CAMKMT: variants seen among roughly 807,000 people sequenced by gnomAD.
CAMKMT encodes the protein CaM KMT.
Under a neutral mutation model 48.0 loss-of-function variants are expected in CAMKMT, and 53 were observed. The observed-to-expected ratio is 1.10, with a 90% CI of 0.89 to 1.39. The LOEUF (loss-of-function observed/expected upper bound fraction) is 1.39. CAMKMT is among the 40% of genes most tolerant of loss of function. The pLI, the probability that CAMKMT is intolerant of heterozygous loss-of-function variation, is 0.00. For missense variants in CAMKMT, 428 were observed against 402.7 expected, an observed-to-expected ratio of 1.06 and a Z score of -0.54; for synonymous variants, 165 against 152.3, an observed-to-expected ratio of 1.08 and a Z score of -0.61.
intron 9 of CAMKMT, among the ~76,000 whole-genome samples, chr2:44,759,389 G>A (rs546394189): frequency 6.6e-6 from 1 of 152,262 alleles, no homozygotes; most frequent in South Asian, 2.1e-4. Context: ...CAAAGTGCTG[G>A]GATGACAGGC....
At chr2:44,648,438 T>C (rs1673873099) in intron 3 of CAMKMT, among the ~76,000 whole-genome samples, 1 of 152,194 alleles carries the variant, frequency 6.6e-6, no homozygotes, top group African/African-American at 2.4e-5. Flanking sequence ...CCATTTAAGA[T>C]ATTTTGCCTG....
Position 44,400,917 on chromosome 2 carries a change from T to A in CAMKMT, c.376+10612T>A, listed in dbSNP as rs982580804. On this transcript the variant is annotated intron_variant, in intron 3 of 10. Coordinates refer to ENST00000378494, the MANE Select transcript of CAMKMT (RefSeq NM_024766.5). ...ACATGTATGTGTGTATGTGCATGTA[T>A]ACTTATGTGTGTGTATATATATATA... 37 of 132,858 alleles carry A rather than the reference T, an allele frequency of 2.8e-4. 1 individual carries two copies. Among genetic ancestry groups the A allele is most frequent in the African/African-American group, 1.0e-3 (35 of 34,404 alleles). 8.2% of individuals were successfully genotyped at this position (132,858 alleles called of 1,614,324 possible). A position where few individuals can be genotyped will look rare whatever the true frequency, so the allele number is the denominator to read the frequency against.
intron 3 of CAMKMT, among the ~76,000 whole-genome samples, chr2:44,448,155 C>A (rs1235678838): frequency 6.6e-6 from 1 of 152,164 alleles, no homozygotes; most frequent in African/African-American, 2.4e-5. Context: ...AATCCACACA[C>A]AGTCACATCT....
At chr2:44,673,439 AAAAG>A (rs1348669715) in intron 3 of CAMKMT, among the ~76,000 whole-genome samples, 4 of 149,040 alleles carry the variant, frequency 2.7e-5, no homozygotes, top group African/African-American at 7.5e-5. Flanking sequence ...AAAAAAAAAA[AAAAG>A]AGAGAGAGAA....
chr2:44,540,747 T>C (rs1301592822), intron 3 of CAMKMT, among the ~76,000 whole-genome samples: 1 of 152,168 alleles, frequency 6.6e-6, no homozygotes, highest in East Asian at 1.9e-4. Flanking sequence ...CAAGACCCTA[T>C]CTCAAAAAAG....
chr2:44,674,785 C>G (rs1353512225), intron 3 of CAMKMT, among the ~76,000 whole-genome samples: 3 of 152,076 alleles, frequency 2.0e-5, no homozygotes, highest in Admixed American at 6.6e-5. Flanking sequence ...GCTGATAAAC[C>G]AAAATGCTGA....
intron 3 of CAMKMT, among the ~76,000 whole-genome samples, chr2:44,452,026 T>C (rs1345374315): frequency 6.6e-6 from 1 of 151,972 alleles, no homozygotes; most frequent in Non-Finnish European, 1.5e-5. Context: ...TTAGAAAATA[T>C]AAAACTGGCT....
chr2:44,379,233 A>G (rs1177520057), intron 2 of CAMKMT, among the ~76,000 whole-genome samples: 2 of 152,188 alleles, frequency 1.3e-5, no homozygotes, highest in East Asian at 1.9e-4. Flanking sequence ...ATTCAGCCAT[A>G]TTGTACCACA....
rs141016376 is a variant in CAMKMT, at chr2:44,612,248, C to T, written c.377-92035C>T. Among the ~76,000 whole-genome samples the T allele has an allele frequency of 4.4e-4, 67 of 152,140 alleles. 1 individual carries two copies. The East Asian group carries it at 0.011, about 25-fold the overall frequency. On this transcript the variant is annotated intron_variant, in intron 3 of 10. Transcript: ENST00000378494. The stretch of plus-strand genomic sequence containing the variant: ...AAGTTAATTTATGGGAATAATCATT[C>T]GGGCAATAGAATAACCAGCATATAT...
intron 3 of CAMKMT, among the ~76,000 whole-genome samples, chr2:44,462,457 A>C (rs113926915): frequency 0.015 from 2,251 of 152,174 alleles, 62 homozygotes; most frequent in African/African-American, 0.052. Flanking sequence ...GTCAATGAAC[A>C]TTATTATAGT....
At chr2:44,536,491 AT>A (rs923206313) in intron 3 of CAMKMT, among the ~76,000 whole-genome samples, 1 of 151,042 alleles carries the variant, frequency 6.6e-6, no homozygotes, top group Non-Finnish European at 1.5e-5. Flanking sequence ...TGCCCAGCTA[AT>A]TTTTTTTGTA....
rs1043469959 is a variant in CAMKMT, at chr2:44,645,944, C to T, written c.377-58339C>T. On this transcript the variant is annotated intron_variant, in intron 3 of 10. Transcript: ENST00000378494. The stretch of plus-strand genomic sequence containing the variant: ...GCCAGAAAAAGAAATTATCTTTGCT[C>T]AGTGTTGAACTATTCTGTTATAAAG... Among the ~76,000 whole-genome samples, 2 of 152,212 alleles carry T rather than the reference C, an allele frequency of 1.3e-5. 1 individual carries two copies. The highest frequency in any genetic ancestry group is 1.3e-4 in the Admixed American group (2 of 15,268).
At chr2:44,641,558 A>G (rs1467940105) in intron 3 of CAMKMT, among the ~76,000 whole-genome samples, 2 of 151,456 alleles carry the variant, frequency 1.3e-5, no homozygotes, top group African/African-American at 2.4e-5. Context: ...TATTTTATAT[A>G]TATATATATA....
At chr2:44,587,241 T>C (rs1669906582) in intron 3 of CAMKMT, among the ~76,000 whole-genome samples, 1 of 152,174 alleles carries the variant, frequency 6.6e-6, no homozygotes, top group Non-Finnish European at 1.5e-5. Flanking sequence ...AGAAGTGACT[T>C]CTTAACAATA....
intron 3 of CAMKMT, among the ~76,000 whole-genome samples, chr2:44,684,461 C>T (rs1422236865): frequency 6.6e-6 from 1 of 151,502 alleles, no homozygotes; most frequent in African/African-American, 2.4e-5. Context: ...CTTAAGGTTA[C>T]GAATTTTATC....
intron 3 of CAMKMT, among the ~76,000 whole-genome samples, chr2:44,524,974 A>AC (rs1671324696): frequency 9.0e-6 from 1 of 111,508 alleles, no homozygotes; most frequent in African/African-American, 3.0e-5. Flanking sequence ...ATAAAAAAAA[A>AC]AAAAAAACTT....
At chr2:44,458,291 C>G (rs1477322299) in intron 3 of CAMKMT, among the ~76,000 whole-genome samples, 4 of 152,148 alleles carry the variant, frequency 2.6e-5, no homozygotes, top group African/African-American at 9.7e-5. Context: ...AAGTGATCCG[C>G]CCGCCTCGGC....
chr2:44,394,041 T>C (rs1033230075), intron 3 of CAMKMT, among the ~76,000 whole-genome samples: 2 of 152,186 alleles, frequency 1.3e-5, no homozygotes. Context: ...CTGTAGTAGA[T>C]TCATTGGAAC....
intron 3 of CAMKMT, among the ~76,000 whole-genome samples, chr2:44,542,829 T>C (rs1667204356): frequency 6.6e-6 from 1 of 152,082 alleles, no homozygotes; most frequent in Non-Finnish European, 1.5e-5. Flanking sequence ...CCAGAATGGC[T>C]TCATCTGGTG....
Sources: gnomAD v4.1 joint callset for allele counts (sites outside exome capture counted in the v4.1 genomes callset) on GRCh38, gnomAD v4.1.1 for gene constraint, MANE v1.5 for transcripts, NCBI Gene and HGNC (gene_info 2026-07-23, HGNC 2026-07-21) for gene names.